The following ANXA10 variants were observed in gnomAD, a reference collection of about 807,000 sequenced individuals.
ANXA10 encodes the protein annexin A10.
In ANXA10, 49 loss-of-function variants were observed where a neutral mutation model predicts 53.5. The ratio of observed to expected loss-of-function variants is 0.92; its 90% confidence interval spans 0.73 to 1.16. The LOEUF (loss-of-function observed/expected upper bound fraction) is 1.16. Among genes scored for constraint, ANXA10 ranks in the 50% most tolerant of loss-of-function variants. ANXA10 has a pLI of 0.00. For missense variants in ANXA10, 393 were observed against 394.4 expected (o/e 1.00, Z 0.03); for synonymous variants, 131 against 128.9 (o/e 1.02, Z -0.11).
At chr4:168,171,488 A>T (rs753273167) in intron 6 of ANXA10, among the ~76,000 whole-genome samples, 1 of 152,168 alleles carries the variant, frequency 6.6e-6, no homozygotes, top group Non-Finnish European at 1.5e-5. Flanking sequence ...TGGTTTTCAT[A>T]TTTTTAACAT....
intron 2 of ANXA10, among the ~76,000 whole-genome samples, chr4:168,130,561 A>G (rs927795846): frequency 6.6e-6 from 1 of 151,964 alleles, no homozygotes. Context: ...CTTTCTTAAA[A>G]GTTTGGTAGA....
intron 7 of ANXA10, 36 bp from the exon 8 acceptor site, chr4:168,177,854 G>A: frequency 6.2e-7 from 1 of 1,614,028 alleles, no homozygotes; most frequent in Non-Finnish European, 8.5e-7. Context: ...GGCTGGAGTG[G>A]TTCTGATGCT....
chr4:168,128,025 C>A, intron 1 of ANXA10, 59 bp from the exon 2 acceptor site: 3 of 1,480,390 alleles, frequency 2.0e-6, no homozygotes, highest in Non-Finnish European at 2.8e-6. Flanking sequence ...TGCCCGGCCA[C>A]AATGTTGAAA....
rs577786703 is a variant in ANXA10 at position 168,183,521 on chromosome 4, G to A, written c.784-1038G>A. Among the ~76,000 whole-genome samples, 30 of 152,298 alleles carry A rather than the reference G, an allele frequency of 2.0e-4. No homozygotes were observed. In the South Asian group the frequency reaches 5.8e-3, roughly 29 times the overall value. ...CTACAATTACCTTGATTCCAATTAT[G>A]CACAAATTCAAGGCTACTTATTCTA... On this transcript the variant is annotated intron_variant, in intron 10 of 11. Transcript: ENST00000359299.
At chr4:168,109,690 A>G (rs1033337570) in intron 1 of ANXA10, among the ~76,000 whole-genome samples, 1 of 152,226 alleles carries the variant, frequency 6.6e-6, no homozygotes, top group African/African-American at 2.4e-5. Flanking sequence ...AAATAACTGC[A>G]GACTCCTTAC....
At chr4:168,152,512 A>G (rs1731514997) in intron 3 of ANXA10, among the ~76,000 whole-genome samples, 2 of 152,108 alleles carry the variant, frequency 1.3e-5, no homozygotes, top group Non-Finnish European at 2.9e-5. Flanking sequence ...ATTTTCTTCT[A>G]AGATCAAGTG....
chr4:168,146,921 C>T (rs1731415804), intron 3 of ANXA10, among the ~76,000 whole-genome samples: 1 of 152,196 alleles, frequency 6.6e-6, no homozygotes, highest in Admixed American at 6.5e-5. Flanking sequence ...AATAATCATT[C>T]TTTTTTTGTT....
chr4:168,125,718 A>T (rs1208869751), intron 1 of ANXA10, among the ~76,000 whole-genome samples: 2 of 152,060 alleles, frequency 1.3e-5, no homozygotes, highest in Admixed American at 6.6e-5. Flanking sequence ...TAAATTTGAA[A>T]TTTTTCTGTC....
chr4:168,120,543 G>C (rs1344387285), intron 1 of ANXA10, among the ~76,000 whole-genome samples: 1 of 145,052 alleles, frequency 6.9e-6, no homozygotes, highest in Non-Finnish European at 1.5e-5. Context: ...GACAATTGTG[G>C]TCATTATGGT....
Position 168,139,485 on chromosome 4 carries a change from G to T in ANXA10, c.101-1G>T. 1 of 1,611,034 alleles carries T rather than the reference G, an allele frequency of 6.2e-7. No individual in the cohort carries two copies. The highest frequency in any genetic ancestry group is 1.1e-5 in the South Asian group (1 of 90,878). On this transcript the variant is annotated splice_acceptor_variant, in intron 2 of 11. Coordinates refer to ENST00000359299, the MANE Select transcript of ANXA10 (RefSeq NM_007193.5). LOFTEE classifies it high-confidence loss of function. ...AATCTTCAAATATTATTCTTTTCCA[G>T]ACTGTGACAAAGACATGCTGATCAA... is the stretch of plus-strand genomic sequence containing the variant.
intron 1 of ANXA10, among the ~76,000 whole-genome samples, chr4:168,098,941 T>C (rs1730596960): frequency 6.6e-6 from 1 of 152,132 alleles, no homozygotes; most frequent in Non-Finnish European, 1.5e-5. Context: ...CATCTTTATT[T>C]GGTGGCAATT....
At chr4:168,102,306 C>A (rs575046450) in intron 1 of ANXA10, among the ~76,000 whole-genome samples, 1 of 152,036 alleles carries the variant, frequency 6.6e-6, no homozygotes, top group African/African-American at 2.4e-5. Flanking sequence ...TTGTGGTATA[C>A]AATTTTATGA....
At position 168,092,706 on chromosome 4, in the gene ANXA10, T is replaced by C. The variant is rs761993224; in HGVS notation, c.6T>C (p.Phe2=). 6 of 1,593,868 alleles carry C rather than the reference T, an allele frequency of 3.8e-6. No individual in the cohort carries two copies. The East Asian group carries it at 1.1e-4, about 30-fold the overall frequency. ...GGTTAACAATTACCATCAAAATGTT[T>C]TGTGGAGACTATGTGAGTATAATGC... M[F]CGDYVQGTIF... is the part of the protein sequence containing the mutation. Residue 2 remains phenylalanine (F), a synonymous_variant, in exon 1 of 12, where the codon TTT becomes TTC. Coordinates refer to ENST00000359299, the MANE Select transcript of ANXA10 (RefSeq NM_007193.5).
At chr4:168,140,175 T>A (rs1325798599) in intron 3 of ANXA10, among the ~76,000 whole-genome samples, 1 of 152,220 alleles carries the variant, frequency 6.6e-6, no homozygotes, top group Non-Finnish European at 1.5e-5. Flanking sequence ...CCATTAAAGA[T>A]TCCTTGCTTT....
At chr4:168,165,186 C>A (rs780919837) in intron 5 of ANXA10, 61 bp from the exon 6 acceptor site, 3 of 1,142,276 alleles carry the variant, frequency 2.6e-6, no homozygotes, top group African/African-American at 3.2e-5. Flanking sequence ...TTAACTTACT[C>A]AAAACACACT....
intron 1 of ANXA10, among the ~76,000 whole-genome samples, chr4:168,110,469 T>C (rs1205957565): frequency 1.3e-5 from 2 of 150,898 alleles, no homozygotes; most frequent in African/African-American, 4.9e-5. Flanking sequence ...TTGAGATTGG[T>C]ACATCTTATT....
intron 1 of ANXA10, among the ~76,000 whole-genome samples, chr4:168,116,783 G>A (rs1730902051): frequency 6.6e-6 from 1 of 152,110 alleles, no homozygotes; most frequent in Non-Finnish European, 1.5e-5. Flanking sequence ...CCAGAACTCA[G>A]TAAGGCAAAT....
chr4:168,150,228 A>G (rs897413554), intron 3 of ANXA10, among the ~76,000 whole-genome samples: 6 of 152,154 alleles, frequency 3.9e-5, no homozygotes, highest in Non-Finnish European at 8.8e-5. Flanking sequence ...TAGATTTAAT[A>G]TACCATGTGT....
At chr4:168,103,083 A>G (rs1730666655) in intron 1 of ANXA10, among the ~76,000 whole-genome samples, 1 of 152,056 alleles carries the variant, frequency 6.6e-6, no homozygotes, top group African/African-American at 2.4e-5. Flanking sequence ...TTTTATGAAA[A>G]TGTAACTTAC....
Sources: gnomAD v4.1 joint callset for allele counts (sites outside exome capture counted in the v4.1 genomes callset) on GRCh38, gnomAD v4.1.1 for gene constraint, MANE v1.5 for transcripts, NCBI Gene and HGNC (gene_info 2026-07-23, HGNC 2026-07-21) for gene names.